The following CEP63 variants were observed in gnomAD, a reference collection of about 807,000 sequenced individuals.
CEP63 encodes the protein centrosomal protein 63, also known as centrosomal protein of 63 kDa.
Under a neutral mutation model 89.1 loss-of-function variants are expected in CEP63, and 84 were observed. That is an observed-to-expected ratio of 0.94 (90% CI 0.79 to 1.13). The LOEUF (loss-of-function observed/expected upper bound fraction) is 1.13, where lower values mean the gene tolerates loss of function less well. Ranked by LOEUF, CEP63 falls within the 50% of genes most tolerant of loss-of-function variation. CEP63 has a pLI of 0.00. For synonymous variants in CEP63, 267 were observed against 272.5 expected (o/e 0.98, Z 0.20); for missense variants, 838 against 813.3 (o/e 1.03, Z -0.37).
intron 1 of CEP63, among the ~76,000 whole-genome samples, chr3:134,493,566 A>G (rs1198079498): frequency 6.6e-6 from 1 of 152,194 alleles, no homozygotes; most frequent in Non-Finnish European, 1.5e-5. Flanking sequence ...ACGTTTGTGC[A>G]CAAATAATTT....
rs548985947 is a variant in CEP63, at chr3:134,573,989, A to T, written c.1330-804A>T. Among the ~76,000 whole-genome samples the T allele has an allele frequency of 3.9e-5, 6 of 152,236 alleles. No individual in the cohort carries two copies. In the East Asian group the frequency reaches 7.7e-4, roughly 20 times the overall value. On this transcript the variant is annotated intron_variant, in intron 11 of 11. Transcript: ENST00000354446. ...TTCTCCTGGGTCTTCTTGGAAGAAGACCAGGTTTGAACAAGCACACTACAG... is the reference window on the plus strand; with the variant it reads ...TTCTCCTGGGTCTTCTTGGAAGAAGTCCAGGTTTGAACAAGCACACTACAG...
At chr3:134,523,173 T>C (rs1414880758) in intron 3 of CEP63, among the ~76,000 whole-genome samples, 1 of 152,226 alleles carries the variant, frequency 6.6e-6, no homozygotes, top group Non-Finnish European at 1.5e-5. Flanking sequence ...CATTTTTTTA[T>C]ATGATTGTTG....
At chr3:134,486,650 C>T (rs771239690) in intron 1 of CEP63, 31 of 609,936 alleles carry the variant, frequency 5.1e-5, no homozygotes, top group Non-Finnish European at 6.4e-5. Context: ...CCTGCCAGGG[C>T]TGCTGTCTAG....
At chr3:134,774,454 C>A in the CEP63 span, among the ~76,000 whole-genome samples, 1 of 151,642 alleles carries the variant, frequency 6.6e-6, no homozygotes, top group East Asian at 1.9e-4. Context: ...AATGAAAGAC[C>A]CTTTTGTTCC....
chr3:134,776,153 C>G, the CEP63 span, among the ~76,000 whole-genome samples: 2 of 152,168 alleles, frequency 1.3e-5, no homozygotes, highest in Non-Finnish European at 2.9e-5. Context: ...CTCTATGGGG[C>G]CTTGACATCC....
the CEP63 span, chr3:134,650,847 G>A: frequency 1.2e-6 from 2 of 1,606,682 alleles, no homozygotes; most frequent in Admixed American, 1.7e-5. Flanking sequence ...GCAGCAGCGA[G>A]CTCGGGTTCG....
chr3:134,619,208 A>G, the CEP63 span: 1 of 1,613,952 alleles, frequency 6.2e-7, no homozygotes, highest in Non-Finnish European at 8.5e-7. Context: ...GGTCCGCAGG[A>G]TGTCAGTGGG....
chr3:134,489,673 A>T (rs1559847289), intron 1 of CEP63, among the ~76,000 whole-genome samples: 1 of 152,176 alleles, frequency 6.6e-6, no homozygotes, highest in Non-Finnish European at 1.5e-5. Flanking sequence ...AGAGTCTTTT[A>T]TGAAGAACTT....
the CEP63 span, among the ~76,000 whole-genome samples, chr3:134,671,902 G>A: frequency 6.6e-6 from 1 of 152,320 alleles, no homozygotes; most frequent in South Asian, 2.1e-4. Context: ...TGTGAGCCAA[G>A]GGAGGCAATG....
the CEP63 span, among the ~76,000 whole-genome samples, chr3:134,716,952 C>T: frequency 6.6e-6 from 1 of 152,156 alleles, no homozygotes; most frequent in Non-Finnish European, 1.5e-5. Context: ...TCCAAAGGTG[C>T]TGAGCATAAA....
At chr3:134,486,432 G>GCCCGCTATGCCCTGC (rs1240896584) in intron 1 of CEP63, 1 of 985,416 alleles carries the variant, frequency 1.0e-6, no homozygotes, top group Admixed American at 6.1e-5. Flanking sequence ...CCTCGGCCTG[G>GCCCGCTATGCCCTGC]CCCGCTATGC....
At chr3:134,714,929 G>A in the CEP63 span, among the ~76,000 whole-genome samples, 4 of 152,200 alleles carry the variant, frequency 2.6e-5, no homozygotes, top group African/African-American at 9.7e-5. Context: ...TAAATGCCCA[G>A]GTAAAGCCCA....
the CEP63 span, chr3:134,610,113 C>T: frequency 1.0e-5 from 15 of 1,466,780 alleles, no homozygotes; most frequent in Non-Finnish European, 1.4e-5. Context: ...GCTTGGTCTT[C>T]TCCACCTGCT....
Position 134,538,539 on chromosome 3 carries a change from A to ATATATATATATATATATATG in CEP63, c.555+1286_555+1287insATATGTATATATATATATAT, listed in dbSNP as rs1951299840. Reference sequence around the variant, plus strand: ...TAAGAAATTGTGTGTGTGTGTATATATATATATATATATATGTATATATAT... The same window carrying ATATATATATATATATATATG: ...TAAGAAATTGTGTGTGTGTGTATATATATATATATATATATATATGTATATATATATATATGTATATATAT... On this transcript the variant is annotated intron_variant, in intron 6 of 14. Transcript: ENST00000675561. 2.2e-5 allele frequency among the ~76,000 whole-genome samples: 3 copies of ATATATATATATATATATATG among 138,364 alleles called. 1 individual carries two copies. In the East Asian group the frequency reaches 6.5e-4, roughly 30 times the overall value. The allele number at this position is 138,364 out of a possible 152,430, so 90.8% of individuals were successfully genotyped here. A position where few individuals can be genotyped will look rare whatever the true frequency, so the allele number is the denominator to read the frequency against.
chr3:134,519,248 C>T (rs911527818), intron 3 of CEP63, among the ~76,000 whole-genome samples: 1 of 151,840 alleles, frequency 6.6e-6, no homozygotes, highest in Non-Finnish European at 1.5e-5. Flanking sequence ...CTCAGCCTCT[C>T]GAGTAGCTGG....
chr3:134,677,684 T>C, the CEP63 span, among the ~76,000 whole-genome samples: 2 of 152,150 alleles, frequency 1.3e-5, no homozygotes, highest in African/African-American at 4.8e-5. Context: ...CTCCCTGGGC[T>C]GCTGCCTCCA....
At chr3:134,502,401 A>G (rs79960832) in intron 2 of CEP63, among the ~76,000 whole-genome samples, 2,475 of 152,026 alleles carry the variant, frequency 0.016, 57 homozygotes, top group African/African-American at 0.055. Flanking sequence ...TAGTGGTACT[A>G]CCTCTTATTT....
Position 134,538,397 on chromosome 3 carries a change from A to G in CEP63, c.555+1129A>G, listed in dbSNP as rs138823027. Among the ~76,000 whole-genome samples the G allele has an allele frequency of 5.9e-3, 888 of 150,956 alleles. 22 individuals are homozygous for G. In the South Asian group the frequency reaches 0.073, roughly 12 times the overall value. Reference sequence around the variant, plus strand: ...GTAGGAAAAGTCCACAACAATTGCAAGGAAGAAATTTATTTTCTAGGCCAC... The same window carrying G: ...GTAGGAAAAGTCCACAACAATTGCAGGGAAGAAATTTATTTTCTAGGCCAC... On this transcript the variant is annotated intron_variant, in intron 6 of 14. Coordinates refer to ENST00000675561, the MANE Select transcript of CEP63 (RefSeq NM_001353108.3).
chr3:134,596,753 A>C, the CEP63 span, among the ~76,000 whole-genome samples: 1 of 152,210 alleles, frequency 6.6e-6, no homozygotes, highest in Non-Finnish European at 1.5e-5. Flanking sequence ...CAAGGAATTC[A>C]CATCCTAGGG....
Sources: allele counts gnomAD v4.1 joint callset (sites outside exome capture counted in the v4.1 genomes callset), GRCh38; gene constraint gnomAD v4.1.1; transcripts MANE v1.5; gene names NCBI Gene and HGNC (gene_info 2026-07-23, HGNC 2026-07-21).